Variants in CCDC73 observed in about 807,000 individuals in gnomAD.
CCDC73 encodes the protein coiled-coil domain-containing protein 73.
A neutral mutation model predicts 116.5 loss-of-function variants in CCDC73; 95 were observed. That is an observed-to-expected ratio of 0.82 (90% CI 0.69 to 0.97). CCDC73 has a LOEUF of 0.97. Among genes scored for constraint, CCDC73 ranks in the 50% least tolerant of loss-of-function variants. The probability of loss-of-function intolerance (pLI) is 0.00; values close to 1 mark genes in which losing one functional copy is unlikely to be tolerated. For missense variants in CCDC73, 1,066 were observed against 1,206.8 expected, an observed-to-expected ratio of 0.88 and a Z score of 1.73; for synonymous variants, 398 against 401.3, an observed-to-expected ratio of 0.99 and a Z score of 0.10.
At chr11:32,759,392 G>A (rs1257334433) in intron 2 of CCDC73, among the ~76,000 whole-genome samples, 3 of 146,606 alleles carry the variant, frequency 2.0e-5, no homozygotes, top group African/African-American at 5.1e-5. Context: ...GTGCAGTGGC[G>A]TGATCTTGGC....
At chr11:32,785,836 A>C (rs974853771) in intron 1 of CCDC73, among the ~76,000 whole-genome samples, 2 of 151,976 alleles carry the variant, frequency 1.3e-5, no homozygotes, top group Non-Finnish European at 2.9e-5. Context: ...CTCTCCTCTT[A>C]CTAGCTGTGT....
chr11:32,776,925 T>A (rs1850536591), intron 1 of CCDC73, among the ~76,000 whole-genome samples: 1 of 127,008 alleles, frequency 7.9e-6, no homozygotes, highest in African/African-American at 3.1e-5. Context: ...AGAGTATGGT[T>A]AAAAAAAAAA....
intron 4 of CCDC73, among the ~76,000 whole-genome samples, chr11:32,701,933 T>C (rs936307423): frequency 1.3e-5 from 2 of 152,196 alleles, no homozygotes; most frequent in Admixed American, 1.3e-4. Context: ...CTTTCTCCTC[T>C]ACCCTTCAGA....
the CCDC73 span, among the ~76,000 whole-genome samples, chr11:32,816,648 G>A: frequency 1.3e-5 from 2 of 152,168 alleles, no homozygotes; most frequent in African/African-American, 4.8e-5. Context: ...TGTGGAGAGG[G>A]AAGACACGTT....
the CCDC73 span, among the ~76,000 whole-genome samples, chr11:32,807,267 G>A: frequency 7.2e-5 from 11 of 152,254 alleles, no homozygotes; most frequent in South Asian, 2.1e-4. Context: ...CTGTTTACTC[G>A]TATAGCTTCC....
intron 6 of CCDC73, among the ~76,000 whole-genome samples, chr11:32,686,891 T>C (rs2133299365): frequency 6.6e-6 from 1 of 152,328 alleles, no homozygotes; most frequent in East Asian, 1.9e-4. Context: ...ATATCACATA[T>C]AGGCATACTT....
intron 1 of CCDC73, among the ~76,000 whole-genome samples, chr11:32,791,991 TACACACACAC>T (rs66955881): frequency 6.9e-6 from 1 of 145,128 alleles, no homozygotes; most frequent in Non-Finnish European, 1.5e-5. Context: ...CACACACACA[TACACACACAC>T]ACACACACAC....
chr11:32,621,717 G>A (rs1233680678), intron 14 of CCDC73, among the ~76,000 whole-genome samples: 1 of 152,126 alleles, frequency 6.6e-6, no homozygotes, highest in Non-Finnish European at 1.5e-5. Context: ...TCATCAGAGT[G>A]AACAGGCAAC....
At chr11:32,793,905 C>T (rs1436252879) in intron 1 of CCDC73, among the ~76,000 whole-genome samples, 2 of 152,234 alleles carry the variant, frequency 1.3e-5, no homozygotes, top group East Asian at 3.9e-4. Context: ...GCCACCGCCC[C>T]GACCAAATAA....
At chr11:32,767,569 T>C (rs911689903) in intron 1 of CCDC73, among the ~76,000 whole-genome samples, 7 of 152,032 alleles carry the variant, frequency 4.6e-5, no homozygotes, top group South Asian at 2.1e-4. Flanking sequence ...TGCAATCTAC[T>C]CATCTGACAA....
the CCDC73 span, among the ~76,000 whole-genome samples, chr11:32,814,891 T>C: frequency 6.6e-6 from 1 of 152,172 alleles, no homozygotes; most frequent in African/African-American, 2.4e-5. Flanking sequence ...TGGATGAACC[T>C]TGAAAACATC....
chr11:32,815,255 C>T, the CCDC73 span, among the ~76,000 whole-genome samples: 1 of 151,800 alleles, frequency 6.6e-6, no homozygotes, highest in Non-Finnish European at 1.5e-5. Context: ...GCTGGGTGTT[C>T]CTCCAAAGTT....
chr11:32,634,706 AG>A (rs1459659091), intron 14 of CCDC73, among the ~76,000 whole-genome samples: 11 of 152,360 alleles, frequency 7.2e-5, no homozygotes, highest in Admixed American at 3.3e-4. Flanking sequence ...TTAGAAAGAA[AG>A]TAAAACTGTC....
chr11:32,693,875 T>G (rs1565077665), intron 6 of CCDC73, among the ~76,000 whole-genome samples: 2 of 152,218 alleles, frequency 1.3e-5, no homozygotes, highest in African/African-American at 4.8e-5. Context: ...CCCTTCATGC[T>G]AAAAACTCTC....
chr11:32,627,155 C>T (rs916368208), intron 14 of CCDC73, among the ~76,000 whole-genome samples: 23 of 152,192 alleles, frequency 1.5e-4, no homozygotes, highest in African/African-American at 3.6e-4. Context: ...AACAAGTGGG[C>T]GAAGGATATG....
At chr11:32,738,337 T>G (rs1000139300) in intron 2 of CCDC73, among the ~76,000 whole-genome samples, 3 of 152,312 alleles carry the variant, frequency 2.0e-5, no homozygotes, top group South Asian at 2.1e-4. Flanking sequence ...ATGAGGGTTC[T>G]CTTTTCTCCA....
At position 32,760,104 on chromosome 11, in the gene CCDC73, C is replaced by T; in HGVS notation, c.135+5G>A. 6.3e-7 allele frequency: 1 copy of T among 1,594,590 alleles called. No individual in the cohort carries two copies. The highest frequency in any genetic ancestry group is 1.4e-5 in the African/African-American group (1 of 73,702). On this transcript the variant is annotated splice_donor_5th_base_variant and intron_variant, in intron 2 of 17. Transcript: ENST00000335185. ...TTAACAAAAGCATTTTAAAAAGGAGCTTACCCTTCTCATACGCAATTCTTC... is the reference window on the plus strand; with the variant it reads ...TTAACAAAAGCATTTTAAAAAGGAGTTTACCCTTCTCATACGCAATTCTTC...
chr11:32,778,882 A>T (rs1850559181), intron 1 of CCDC73, among the ~76,000 whole-genome samples: 1 of 152,164 alleles, frequency 6.6e-6, no homozygotes, highest in South Asian at 2.1e-4. Flanking sequence ...CAGGACAAGC[A>T]ATTAAGAAGA....
rs755457437 is a variant in CCDC73, at chr11:32,614,921, CT to C, written c.1396del (p.Ser466AlafsTer21). 1 of 1,600,274 alleles carries C rather than the reference CT, an allele frequency of 6.2e-7. No homozygotes were observed. ...AACAGTATCAATTTCATTCTTGAAG[CT>C]TTTTTCAAAAAGCTGTAAATCTGTC... is the stretch of plus-strand genomic sequence containing the variant. ...IIDDLQLFEKSFKNEIDTVVS... is the reference protein window; with the variant it reads ...IIDDLQLFEKXFKNEIDTVVS... On this transcript the variant is annotated frameshift_variant, in exon 16 of 18. Transcript: ENST00000335185. LOFTEE classifies it high-confidence loss of function.
Sources: gnomAD v4.1 joint callset for allele counts (sites outside exome capture counted in the v4.1 genomes callset) on GRCh38, gnomAD v4.1.1 for gene constraint, MANE v1.5 for transcripts, NCBI Gene and HGNC (gene_info 2026-07-23, HGNC 2026-07-21) for gene names.